The following SNX24 variants were observed in gnomAD, a reference collection of about 807,000 sequenced individuals.
SNX24 encodes the protein sorting nexin-24.
A neutral mutation model predicts 28.7 loss-of-function variants in SNX24; 22 were observed. The ratio of observed to expected loss-of-function variants is 0.77; its 90% confidence interval spans 0.55 to 1.10. The LOEUF (loss-of-function observed/expected upper bound fraction) is 1.10, where lower values mean the gene tolerates loss of function less well. Ranked by LOEUF, SNX24 falls within the 50% of genes least tolerant of loss-of-function variation. The probability of loss-of-function intolerance (pLI) is 0.00; values close to 1 mark genes in which losing one functional copy is unlikely to be tolerated. For missense variants in SNX24, 221 were observed against 201.1 expected, an observed-to-expected ratio of 1.10 and a Z score of -0.60; for synonymous variants, 69 against 71.5, an observed-to-expected ratio of 0.96 and a Z score of 0.18.
At chr5:122,906,398 G>A (rs111813535) in intron 1 of SNX24, among the ~76,000 whole-genome samples, 4 of 152,278 alleles carry the variant, frequency 2.6e-5, no homozygotes, top group African/African-American at 9.6e-5. Flanking sequence ...TCAATTTTTT[G>A]TTTCCAGGTA....
At chr5:122,946,425 A>G (rs897113823) in intron 3 of SNX24, among the ~76,000 whole-genome samples, 2 of 151,902 alleles carry the variant, frequency 1.3e-5, no homozygotes, top group African/African-American at 2.4e-5. Flanking sequence ...TTTTAATTCA[A>G]CTCTACAAAT....
At chr5:122,925,816 C>G (rs1251577903) in intron 1 of SNX24, among the ~76,000 whole-genome samples, 1 of 152,168 alleles carries the variant, frequency 6.6e-6, no homozygotes, top group African/African-American at 2.4e-5. Flanking sequence ...TTCTTCTGCT[C>G]CTTCCTTATT....
chr5:123,028,225 G>A (rs1762889729), intron 5 of SNX24, among the ~76,000 whole-genome samples: 1 of 152,132 alleles, frequency 6.6e-6, no homozygotes, highest in South Asian at 2.1e-4. Flanking sequence ...AAAACACATA[G>A]CCAGGAGTGT....
In SNX24 at chr5:123,025,082, G is replaced by A. The variant is rs45547443; in HGVS notation, n.384-4156G>A. On this transcript the variant is annotated intron_variant and non_coding_transcript_variant, in intron 5 of 5. Transcript: ENST00000502387. ...CTCTGTGAATGTGACCTAGGTGTCTGAGCTGAACCAGATGGGATTCTGGGG... is the reference window on the plus strand; with the variant it reads ...CTCTGTGAATGTGACCTAGGTGTCTAAGCTGAACCAGATGGGATTCTGGGG... Among the ~76,000 whole-genome samples the A allele has an allele frequency of 7.5e-4, 114 of 152,332 alleles. 1 individual carries two copies. The highest frequency in any genetic ancestry group is 2.6e-3 in the African/African-American group (107 of 41,582).
intron 1 of SNX24, among the ~76,000 whole-genome samples, chr5:122,877,613 C>T (rs1467913373): frequency 6.6e-6 from 1 of 152,170 alleles, no homozygotes; most frequent in Non-Finnish European, 1.5e-5. Context: ...ACCTCTGAAC[C>T]AACCCACCCA....
intron 1 of SNX24, among the ~76,000 whole-genome samples, chr5:122,890,770 C>T (rs556030971): frequency 6.6e-6 from 1 of 152,236 alleles, no homozygotes; most frequent in South Asian, 2.1e-4. Context: ...CGCACCCGGC[C>T]TAGAGGGAAC....
At chr5:122,846,577 T>A (rs751329614) in intron 1 of SNX24, among the ~76,000 whole-genome samples, 143 of 152,332 alleles carry the variant, frequency 9.4e-4, no homozygotes, top group Non-Finnish European at 1.3e-3. Context: ...CCAGTTACAT[T>A]ACTTTGATGG....
At chr5:122,899,376 AC>A (rs758443939) in intron 1 of SNX24, among the ~76,000 whole-genome samples, 17 of 152,160 alleles carry the variant, frequency 1.1e-4, no homozygotes, top group Non-Finnish European at 2.4e-4. Context: ...AGTTCAACAT[AC>A]AGTCTATCAG....
chr5:122,851,690 A>T (rs1193860821), intron 1 of SNX24, among the ~76,000 whole-genome samples: 1 of 152,196 alleles, frequency 6.6e-6, no homozygotes, highest in African/African-American at 2.4e-5. Flanking sequence ...TATTATTATG[A>T]TCATTATTAT....
At chr5:122,948,300 A>G (rs539821770) in intron 3 of SNX24, among the ~76,000 whole-genome samples, 1 of 152,168 alleles carries the variant, frequency 6.6e-6, no homozygotes, top group South Asian at 2.1e-4. Flanking sequence ...CTTACATTAC[A>G]CCAGCTAGAA....
intron 6 of SNX24, among the ~76,000 whole-genome samples, chr5:123,003,167 C>T (rs1762306233): frequency 6.6e-6 from 1 of 152,164 alleles, no homozygotes; most frequent in Admixed American, 6.5e-5. Flanking sequence ...ACTCACATCA[C>T]CCACTTAGCT....
At chr5:123,024,050 A>G (rs764071589) in intron 5 of SNX24, 3 of 1,581,330 alleles carry the variant, frequency 1.9e-6, no homozygotes, top group Admixed American at 3.5e-5. Context: ...ACCAGCAGCT[A>G]TAGCAATCCA....
intron 3 of SNX24, among the ~76,000 whole-genome samples, chr5:122,963,678 A>C (rs1760579370): frequency 6.6e-6 from 1 of 152,178 alleles, no homozygotes; most frequent in Admixed American, 6.5e-5. Flanking sequence ...ATGAGTTTTA[A>C]AAGAACTAGC....
intron 1 of SNX24, among the ~76,000 whole-genome samples, chr5:122,873,840 A>T (rs1369450690): frequency 7.6e-6 from 1 of 131,542 alleles, no homozygotes; most frequent in Non-Finnish European, 1.5e-5. Flanking sequence ...ATCTCGGCTT[A>T]CTGCAACTTC....
At chr5:122,916,872 T>G (rs1354601130) in intron 1 of SNX24, among the ~76,000 whole-genome samples, 1 of 152,206 alleles carries the variant, frequency 6.6e-6, no homozygotes, top group East Asian at 1.9e-4. Flanking sequence ...TGGTCTTCTT[T>G]CTGAGCTCTA....
chr5:122,958,803 G>A (rs1345785461), intron 3 of SNX24, among the ~76,000 whole-genome samples: 5 of 151,792 alleles, frequency 3.3e-5, no homozygotes, highest in Non-Finnish European at 7.4e-5. Flanking sequence ...CAAACAATCT[G>A]CCTGCCTCAG....
chr5:122,864,207 C>T (rs1295529900), intron 1 of SNX24, among the ~76,000 whole-genome samples: 2 of 152,022 alleles, frequency 1.3e-5, no homozygotes, highest in Non-Finnish European at 2.9e-5. Context: ...ATGATGATGG[C>T]TTAGAACAAC....
At chr5:122,934,619 A>G (rs1176508302) in intron 1 of SNX24, among the ~76,000 whole-genome samples, 1 of 152,180 alleles carries the variant, frequency 6.6e-6, no homozygotes, top group African/African-American at 2.4e-5. Context: ...CGGCCTCGCA[A>G]AGTGCTGGGA....
In SNX24 at chr5:122,988,367, A is replaced by T. The variant is rs189199418; in HGVS notation, c.250-11545A>T. On this transcript the variant is annotated intron_variant, in intron 3 of 6. Coordinates refer to ENST00000261369, the MANE Select transcript of SNX24 (RefSeq NM_014035.4). The stretch of plus-strand genomic sequence containing the variant: ...TCGTCCAGCTTTTTATTTTTTAATT[A>T]AATTAGTATATCTCCCTCAAACTCA... Among the ~76,000 whole-genome samples, 32 of 152,312 alleles carry T rather than the reference A, an allele frequency of 2.1e-4. 2 individuals carry two copies. Among genetic ancestry groups the T allele is most frequent in the Admixed American group, 2.1e-3 (32 of 15,290 alleles).
Sources: allele counts gnomAD v4.1 joint callset (sites outside exome capture counted in the v4.1 genomes callset), GRCh38; gene constraint gnomAD v4.1.1; transcripts MANE v1.5; gene names NCBI Gene and HGNC (gene_info 2026-07-23, HGNC 2026-07-21).